Variants in FOXO3B observed in about 807,000 individuals in gnomAD.
FOXO3B encodes the protein forkhead box protein O3B.
Under a neutral mutation model 21.9 loss-of-function variants are expected in FOXO3B, and 15 were observed. That is an observed-to-expected ratio of 0.68 (90% CI 0.46 to 1.05). The LOEUF (loss-of-function observed/expected upper bound fraction) is 1.05. FOXO3B is among the 50% of genes least tolerant of loss of function. The pLI is 0.00. For missense variants in FOXO3B, 293 were observed against 435.5 expected, an observed-to-expected ratio of 0.67 and a Z score of 2.91; for synonymous variants, 135 against 213.6, an observed-to-expected ratio of 0.63 and a Z score of 3.21.
rs1191019026 is a variant in FOXO3B, at chr17:18,672,753, G to C, written c.429C>G (p.Pro143=). 4 of 1,540,430 alleles carry C rather than the reference G, an allele frequency of 2.6e-6. No homozygotes were observed. The highest frequency in any genetic ancestry group is 3.9e-5 in the Admixed American group (2 of 51,340). Residue 143 remains proline, a synonymous_variant, in exon 4 of 4, where the codon CCC becomes CCG. Coordinates refer to ENST00000395675, the MANE Select transcript of FOXO3B (RefSeq NM_001368135.1). The surrounding 1 kb of genome is among the most constrained non-coding windows in gnomAD (Gnocchi z 4.2). ...CGTCGTCTTCATCGTCCTCCTCCTC[G>C]GGGATCATGGAGTCGGCGGCCGTCT... The part of the protein sequence containing the change: ...SGETAADSMI[P]EEEDDEDDED...
chr17:18,677,782 C>G (rs1401434421), intron 3 of FOXO3B: 16 of 1,432,234 alleles, frequency 1.1e-5, no homozygotes, highest in Non-Finnish European at 1.5e-5. Context: ...CTCCTTCCAC[C>G]GTGACCCCAA....
At chr17:18,673,837 AAAC>A (rs1400520344) in intron 3 of FOXO3B, among the ~76,000 whole-genome samples, 82 of 151,346 alleles carry the variant, frequency 5.4e-4, no homozygotes, top group African/African-American at 1.9e-3. Flanking sequence ...TAATCCAGGA[AAAC>A]AAAAAATATA....
chr17:18,672,484 C>T lies in FOXO3B; in HGVS notation c.698G>A (p.Arg233Lys), dbSNP rs1048419231. The T allele has an allele frequency of 1.9e-6, 3 of 1,553,840 alleles. No homozygotes were observed. The highest frequency in any genetic ancestry group is 2.6e-6 in the Non-Finnish European group (3 of 1,149,486). ...PGAAGGSGQPRKCSSRRNAWG... is the reference protein window; with the variant it reads ...PGAAGGSGQPKKCSSRRNAWG... ...GGCGTTCCGCCGCGACGAACATTTC[C>T]TCGGCTGCCCGGAGCCCCCAGCCGC... Residue 233 changes from arginine to lysine, a missense_variant, in exon 4 of 4, where the codon AGG (arginine) becomes AAG (lysine). Around this residue, in one of 2 missense-constraint regions of FOXO3B, gnomAD observed 251 missense variants for 404.0 expected, o/e 0.62. Transcript: ENST00000395675. This position sits in a 1 kb window ranked among gnomAD's most constrained non-coding sequence, Gnocchi z 4.2.
Position 18,680,835 on chromosome 17 carries a change from G to C in FOXO3B, c.38-6C>G, listed in dbSNP as rs766283255. On this transcript the variant is annotated splice_region_variant and splice_polypyrimidine_tract_variant and intron_variant, in intron 2 of 3. Coordinates refer to ENST00000395675, the MANE Select transcript of FOXO3B (RefSeq NM_001368135.1). ...AGAATCCTGGGAAGACAGAACTAAC[G>C]ACAAGAAAGCAGTAATGATGAGACC... 28 of 1,591,804 alleles carry C rather than the reference G, an allele frequency of 1.8e-5. No individual in the cohort carries two copies. Among genetic ancestry groups the C allele is most frequent in the Non-Finnish European group, 2.4e-5 (28 of 1,164,942 alleles).
intron 3 of FOXO3B, among the ~76,000 whole-genome samples, chr17:18,680,334 T>A (rs2032562286): frequency 6.6e-6 from 1 of 152,256 alleles, no homozygotes; most frequent in Non-Finnish European, 1.5e-5. Context: ...TTATTATTTT[T>A]ACAATCACTT....
chr17:18,678,216 C>A lies in FOXO3B; in HGVS notation c.126+2525G>T, dbSNP rs183601934. ...ATCACATGGCAAGAAAAGTTTGAAA[C>A]ACATGTATTATATGTGAATGAGCAA... On this transcript the variant is annotated intron_variant, in intron 3 of 3. Transcript: ENST00000395675. Among the ~76,000 whole-genome samples, 4 of 152,240 alleles carry A rather than the reference C, an allele frequency of 2.6e-5. No homozygotes were observed. The East Asian group carries it at 7.7e-4, about 29-fold the overall frequency.
rs1346045639 is a variant in FOXO3B at position 18,671,867 on chromosome 17, G to A, written c.*442C>T. 6.2e-7 allele frequency: 1 copy of A among 1,613,134 alleles called. No homozygotes were observed. The highest frequency in any genetic ancestry group is 1.7e-5 in the Admixed American group (1 of 59,968). On this transcript the variant is annotated 3_prime_UTR_variant, in exon 4 of 4. Transcript: ENST00000395675. ...CACGGCTTGCTTACTGAAGGTGACA[G>A]GCTCGCTGAGCTGCTGTAGAGCATG... is the stretch of plus-strand genomic sequence containing the variant.
chr17:18,680,356 T>A (rs2270063), intron 3 of FOXO3B, among the ~76,000 whole-genome samples: 4 of 151,998 alleles, frequency 2.6e-5, no homozygotes, highest in Non-Finnish European at 4.4e-5. Flanking sequence ...AGCATTTAAG[T>A]GCTTTCTTAG....
At chr17:18,677,334 A>G (rs1186962684) in intron 3 of FOXO3B, 12 of 1,613,552 alleles carry the variant, frequency 7.4e-6, no homozygotes, top group Non-Finnish European at 1.0e-5. Flanking sequence ...CTTCCTGACC[A>G]AGATCTTCCA....
At chr17:18,677,711 G>T (rs1241170551) in intron 3 of FOXO3B, 5 of 1,598,830 alleles carry the variant, frequency 3.1e-6, no homozygotes, top group Non-Finnish European at 3.4e-6. Context: ...ATAAGAAGCT[G>T]GCGGCCAAGA....
At chr17:18,673,176 C>G (rs2032413871) in intron 3 of FOXO3B, 121 bp from the exon 4 acceptor site, 1 of 1,266,268 alleles carries the variant, frequency 7.9e-7, no homozygotes, top group East Asian at 3.9e-5. Context: ...CTCCCAGGAA[C>G]AGGAGACCAT....
Position 18,670,203 on chromosome 17 carries a change from G to A in FOXO3B, c.*2106C>T, listed in dbSNP as rs1375326281. ...CTGGGCTGGACGCTGTGCTCCACTC[G>A]TTTTGCCTATGCATGGTTCAGTCCT... On this transcript the variant is annotated 3_prime_UTR_variant, in exon 4 of 4. Transcript: ENST00000395675. Among the ~76,000 whole-genome samples the A allele has an allele frequency of 6.6e-6, 1 of 152,196 alleles. No individual in the cohort carries two copies. Among genetic ancestry groups the A allele is most frequent in the Non-Finnish European group, 1.5e-5 (1 of 68,026 alleles).
At position 18,670,920 on chromosome 17, in the gene FOXO3B, C is replaced by T; in HGVS notation, c.*1389G>A. ...AGTGATCCTTCAGCCTGGCACCCAG[C>T]TCTGAGATGAGGCCTGCTTAGCACC... is the stretch of plus-strand genomic sequence containing the variant. On this transcript the variant is annotated 3_prime_UTR_variant, in exon 4 of 4. Transcript: ENST00000395675. The T allele has an allele frequency of 6.5e-7, 1 of 1,536,384 alleles. No homozygotes were observed. The highest frequency in any genetic ancestry group is 8.7e-7 in the Non-Finnish European group (1 of 1,143,800).
intron 3 of FOXO3B, chr17:18,677,445 C>T: frequency 6.2e-7 from 1 of 1,614,174 alleles, no homozygotes; most frequent in South Asian, 1.1e-5. Context: ...CATCAAGTGC[C>T]TGCTGATCCA....
Position 18,670,356 on chromosome 17 carries a change from T to C in FOXO3B, c.*1953A>G, listed in dbSNP as rs1597494190. 1.3e-5 allele frequency among the ~76,000 whole-genome samples: 2 copies of C among 152,260 alleles called. No individual in the cohort carries two copies. Among genetic ancestry groups the C allele is most frequent in the African/African-American group, 4.8e-5 (2 of 41,462 alleles). On this transcript the variant is annotated 3_prime_UTR_variant, in exon 4 of 4. Coordinates refer to ENST00000395675, the MANE Select transcript of FOXO3B (RefSeq NM_001368135.1). ...TAATTTGTTAGTTTATGGAGTTCCA[T>C]GCGCTCAAAAGCTTGTGATGCTCAA...
Position 18,672,276 on chromosome 17 carries a change from ATGCAGTGACAGGTTG to A in FOXO3B, c.*18_*32del, listed in dbSNP as rs1356216055. On this transcript the variant is annotated 3_prime_UTR_variant, in exon 4 of 4. Transcript: ENST00000395675. The surrounding 1 kb of genome is among the most constrained non-coding windows in gnomAD (Gnocchi z 4.2). ...CATTCTGGACCCGCATGAATCGACTATGCAGTGACAGGTTGTGCCGGATGGAGTTCTTCTAGCCGG... is the reference window on the plus strand; with the variant it reads ...CATTCTGGACCCGCATGAATCGACTATGCCGGATGGAGTTCTTCTAGCCGG... The A allele has an allele frequency of 6.2e-7, 1 of 1,611,692 alleles. No individual in the cohort carries two copies. The highest frequency in any genetic ancestry group is 8.5e-7 in the Non-Finnish European group (1 of 1,178,360).
chr17:18,678,029 G>A (rs542780954), intron 3 of FOXO3B, among the ~76,000 whole-genome samples: 1 of 151,420 alleles, frequency 6.6e-6, no homozygotes, highest in Non-Finnish European at 1.5e-5. Flanking sequence ...ATGACCTTTA[G>A]CCTAGAATCT....
intron 3 of FOXO3B, among the ~76,000 whole-genome samples, chr17:18,674,978 C>T (rs181423649): frequency 4.6e-4 from 70 of 152,272 alleles, no homozygotes; most frequent in African/African-American, 1.7e-3. Context: ...CACCAGTTTC[C>T]ACTTTGCTTG....
Position 18,671,802 on chromosome 17 carries a change from G to A in FOXO3B, c.*507C>T. On this transcript the variant is annotated 3_prime_UTR_variant, in exon 4 of 4. Coordinates refer to ENST00000395675, the MANE Select transcript of FOXO3B (RefSeq NM_001368135.1). ...AGTCAGCCCCATCATTCAGATTCAT[G>A]GTGCCTGCCATGTCAGTCAGCCGTA... The A allele has an allele frequency of 1.2e-6, 2 of 1,603,362 alleles. No individual in the cohort carries two copies. Among genetic ancestry groups the A allele is most frequent in the Non-Finnish European group, 1.7e-6 (2 of 1,171,106 alleles).
Sources: gnomAD v4.1 joint callset for allele counts (sites outside exome capture counted in the v4.1 genomes callset) on GRCh38, gnomAD v4.1.1 for gene constraint, gnomAD v4.1.1 regional missense constraint, Gnocchi (gnomAD v3.1) non-coding constraint, MANE v1.5 for transcripts, NCBI Gene and HGNC (gene_info 2026-07-23, HGNC 2026-07-21) for gene names.